Variants in TRIM38 observed in about 807,000 individuals in gnomAD.
TRIM38 encodes the protein tripartite motif containing 38.
Under a neutral mutation model 35.8 loss-of-function variants are expected in TRIM38, and 35 were observed. The ratio of observed to expected loss-of-function variants is 0.98; its 90% CI spans 0.75 to 1.30. TRIM38 has a LOEUF of 1.30. Among genes scored for constraint, TRIM38 ranks in the 50% most tolerant of loss-of-function variants. TRIM38 has a pLI of 0.00. For synonymous variants in TRIM38, 198 were observed against 204.7 expected (o/e 0.97, Z 0.28); for missense variants, 545 against 556.9 (o/e 0.98, Z 0.21).
At position 25,989,490 on chromosome 6, in the gene TRIM38, T is replaced by G. The variant is rs139335947; in HGVS notation, c.*5803T>G. The G allele has an allele frequency of 1.8e-4, 27 of 151,618 alleles. No homozygotes were observed. Among genetic ancestry groups the G allele is most frequent in the African/African-American group, 6.0e-4 (25 of 41,442 alleles). 9.4% of individuals were successfully genotyped at this position (151,618 alleles called of 1,614,324 possible). On this transcript the variant is annotated 3_prime_UTR_variant, in exon 8 of 8. Transcript: ENST00000357085. Reference sequence around the variant, plus strand: ...TTTTGAATTAATTGATCTTTGCTATTGTTAGCAAGGTCTTGTATTCTTTTT... The same window carrying G: ...TTTTGAATTAATTGATCTTTGCTATGGTTAGCAAGGTCTTGTATTCTTTTT...
chr6:25,983,347 T>C lies in TRIM38; in HGVS notation c.1058T>C (p.Val353Ala). The C allele has an allele frequency of 6.2e-7, 1 of 1,614,138 alleles. No homozygotes were observed. The highest frequency in any genetic ancestry group is 1.6e-4 in the Middle Eastern group (1 of 6,062). Reference protein sequence around the residue: ...TSGRRYFEVDVGEGTGWDLGV... With the variant: ...TSGRRYFEVDAGEGTGWDLGV... Reference sequence around the variant, plus strand: ...GGAAGACGTTACTTTGAAGTGGATGTTGGCGAAGGAACCGGATGGGATTTA... The same window carrying C: ...GGAAGACGTTACTTTGAAGTGGATGCTGGCGAAGGAACCGGATGGGATTTA... The change falls in exon 8 of 8, where the codon GTT (valine) becomes GCT (alanine). Residue 353 changes from valine (V) to alanine (A), a missense_variant. Val to Ala is a moderately conservative substitution (Grantham distance 64). Coordinates refer to ENST00000357085, the MANE Select transcript of TRIM38 (RefSeq NM_006355.5).
chr6:25,983,743 C>A lies in TRIM38; in HGVS notation c.*56C>A. 1 of 1,462,532 alleles carries A rather than the reference C, an allele frequency of 6.8e-7. No individual in the cohort carries two copies. The highest frequency in any genetic ancestry group is 1.4e-5 in the South Asian group (1 of 72,974). The allele number at this position is 1,462,532 out of a possible 1,614,324, so 90.6% of individuals were successfully genotyped here. A position where few individuals can be genotyped will look rare whatever the true frequency, so the allele number is the denominator to read the frequency against. Reference sequence around the variant, plus strand: ...AGCACAGAGAAAATAATATAAATCCCATAAGGGCAGACGTTTGGTCTGTTT... The same window carrying A: ...AGCACAGAGAAAATAATATAAATCCAATAAGGGCAGACGTTTGGTCTGTTT... On this transcript the variant is annotated 3_prime_UTR_variant, in exon 8 of 8. Transcript: ENST00000357085.
At chr6:25,974,960 A>G (rs1352503175) in intron 7 of TRIM38, 5 of 985,046 alleles carry the variant, frequency 5.1e-6, no homozygotes, top group Non-Finnish European at 1.2e-6. Flanking sequence ...CACTGAGTCA[A>G]TTTGCCTACT....
chr6:25,963,499 T>C (rs946347724), intron 2 of TRIM38, among the ~76,000 whole-genome samples: 2 of 152,094 alleles, frequency 1.3e-5, no homozygotes, highest in African/African-American at 4.8e-5. Flanking sequence ...CTCCCCCATC[T>C]TCTTTCTGCC....
rs768283590 is a variant in TRIM38, at chr6:25,983,418, G to C, written c.1129G>C (p.Glu377Gln). 6.2e-7 allele frequency: 1 copy of C among 1,614,054 alleles called. No homozygotes were observed. Residue 377 changes from glutamate (E) to glutamine (Q), a missense_variant, in exon 8 of 8, where the codon GAG becomes CAG. By Grantham distance (29) the Glu-to-Gln change is conservative. Transcript: ENST00000357085. ...GCAGAGGGGCACTGGCATGAAGCAA[G>C]AGCCTCAGTCTGGATTCTGGACCCT... is the stretch of plus-strand genomic sequence containing the variant. ...NVQRGTGMKQ[E>Q]PQSGFWTLRL...
chr6:25,965,936 A>G (rs1760023299), intron 2 of TRIM38, among the ~76,000 whole-genome samples: 1 of 152,034 alleles, frequency 6.6e-6, no homozygotes. Context: ...AAAAAAAAAA[A>G]AAGTTAGAAG....
At position 25,966,854 on chromosome 6, in the gene TRIM38, T is replaced by C; in HGVS notation, c.332T>C (p.Ile111Thr). 1 of 1,614,190 alleles carries C rather than the reference T, an allele frequency of 6.2e-7. No homozygotes were observed. The highest frequency in any genetic ancestry group is 8.5e-7 in the Non-Finnish European group (1 of 1,180,028). The change falls in exon 3 of 8, where the codon ATC becomes ACC. Residue 111 changes from isoleucine (I) to threonine (T), a missense_variant. By Grantham distance (89) the Ile-to-Thr change is moderately conservative. Transcript: ENST00000357085. ...TTCTGCGAAGACGAGGGGCAGCTCA[T>C]CTGCTGGCGCTGTGAGCGGGCACCA... ...HLFCEDEGQL[I>T]CWRCERAPQH...
In TRIM38 at chr6:25,978,034, T is replaced by C. The variant is rs765912458; in HGVS notation, c.874+4749T>C. On this transcript the variant is annotated intron_variant, in intron 7 of 7. Coordinates refer to ENST00000357085, the MANE Select transcript of TRIM38 (RefSeq NM_006355.5). ...CACCAGTGTCTTCATAATATATATATACACACACACATATATATATAGTAT... is the reference window on the plus strand; with the variant it reads ...CACCAGTGTCTTCATAATATATATACACACACACACATATATATATAGTAT... Among the ~76,000 whole-genome samples the C allele has an allele frequency of 1.8e-4, 27 of 152,140 alleles. No individual in the cohort carries two copies. The East Asian group carries it at 2.1e-3, about 12-fold the overall frequency.
intron 2 of TRIM38, among the ~76,000 whole-genome samples, chr6:25,964,907 G>A (rs1759972898): frequency 6.6e-6 from 1 of 151,664 alleles, no homozygotes; most frequent in Non-Finnish European, 1.5e-5. Flanking sequence ...CCCCTCCGGA[G>A]CTCAAGTCAT....
Position 25,971,877 on chromosome 6 carries a change from A to G in TRIM38, c.516A>G (p.Val172=). Residue 172 remains valine (V), a synonymous_variant, in exon 5 of 8, where the codon GTA becomes GTG. Coordinates refer to ENST00000357085, the MANE Select transcript of TRIM38 (RefSeq NM_006355.5). ...AMRITKWKEK[V]QIQRQKIRSD... is the part of the protein sequence containing the mutation. ...TACTTTCTTGACTCCAGGAGAAGGT[A>G]CAGATTCAGAGACAAAAAATCCGGT... is the stretch of plus-strand genomic sequence containing the variant. 6.2e-7 allele frequency: 1 copy of G among 1,614,070 alleles called. No individual in the cohort carries two copies. The highest frequency in any genetic ancestry group is 1.3e-5 in the African/African-American group (1 of 75,054).
rs1259308684 is a variant in TRIM38, at chr6:25,988,492, C to CTTTTTTTTTTTTTTTTTTTTTT, written c.*4808_*4809insTTTTTTTTTTTTTTTTTTTTTT. ...TCTTTTTCTTTTTCTTTTTTCTTTT[C>CTTTTTTTTTTTTTTTTTTTTTT]TTTCTTTTTTTTTTTTTTTTTGAGA... On this transcript the variant is annotated 3_prime_UTR_variant, in exon 8 of 8. Coordinates refer to ENST00000357085, the MANE Select transcript of TRIM38 (RefSeq NM_006355.5). The CTTTTTTTTTTTTTTTTTTTTTT allele has an allele frequency of 1.3e-4, 4 of 30,142 alleles. No homozygotes were observed. Among genetic ancestry groups the CTTTTTTTTTTTTTTTTTTTTTT allele is most frequent in the African/African-American group, 2.0e-4 (1 of 5,122 alleles). The allele number at this position is 30,142 out of a possible 1,614,324, so 1.9% of individuals were successfully genotyped here. A position where few individuals can be genotyped will look rare whatever the true frequency, so the allele number is the denominator to read the frequency against.
rs61756356 is a variant in TRIM38 at position 25,966,804 on chromosome 6, G to T, written c.282G>T (p.Glu94Asp). ...AGACGGATCAAGAAATGTCATGTGA[G>T]GAACACGGAGAGCAGTTCCACCTGT... Reference protein sequence around the residue: ...LKETDQEMSCEEHGEQFHLFC... With the variant: ...LKETDQEMSCDEHGEQFHLFC... The change falls in exon 3 of 8, where the codon GAG (glutamate) becomes GAT (aspartate). Residue 94 changes from glutamate (E) to aspartate (D), a missense_variant. Coordinates refer to ENST00000357085, the MANE Select transcript of TRIM38 (RefSeq NM_006355.5). 211 of 1,614,226 alleles carry T rather than the reference G, an allele frequency of 1.3e-4. No homozygotes were observed. In the East Asian group the frequency reaches 4.4e-3, roughly 34 times the overall value.
rs751115548 is a variant in TRIM38, at chr6:25,972,072, T to A, written c.711T>A (p.Cys237Ter). 1.2e-6 allele frequency: 2 copies of A among 1,614,164 alleles called. No homozygotes were observed. The highest frequency in any genetic ancestry group is 1.7e-6 in the Non-Finnish European group (2 of 1,180,004). ...KSHILELEEK[C>*]QGSAQKLLQN... Reference sequence around the variant, plus strand: ...ACATCCTGGAACTGGAGGAAAAATGTCAGGGCTCAGCCCAGAAATTGCTGC... The same window carrying A: ...ACATCCTGGAACTGGAGGAAAAATGACAGGGCTCAGCCCAGAAATTGCTGC... Residue 237 changes from cysteine (C) to a stop codon, truncating the protein, a stop_gained, in exon 5 of 8, where the codon TGT becomes TGA. Transcript: ENST00000357085. LOFTEE classifies it high-confidence loss of function.
rs903783212 is a variant in TRIM38 at position 25,974,826 on chromosome 6, A to G, written c.874+1541A>G. ...CCAGGGATTTCAGAAAAGGAATTAT[A>G]GACCTGTGTTCCCCTCAAATACACA... is the stretch of plus-strand genomic sequence containing the variant. On this transcript the variant is annotated intron_variant, in intron 7 of 7. Transcript: ENST00000357085. 15 of 914,648 alleles carry G rather than the reference A, an allele frequency of 1.6e-5. No homozygotes were observed. In the African/African-American group the frequency reaches 2.1e-4, roughly 13 times the overall value. 56.7% of individuals were successfully genotyped at this position (914,648 alleles called of 1,614,324 possible). A position where few individuals can be genotyped will look rare whatever the true frequency, so the allele number is the denominator to read the frequency against.
intron 7 of TRIM38, among the ~76,000 whole-genome samples, chr6:25,977,869 C>T (rs1295987095): frequency 6.6e-6 from 1 of 152,072 alleles, no homozygotes; most frequent in Non-Finnish European, 1.5e-5. Context: ...ATGGCAAGTT[C>T]ATATATTTTG....
chr6:25,971,115 G>A (rs540123268), intron 4 of TRIM38, among the ~76,000 whole-genome samples: 4 of 152,198 alleles, frequency 2.6e-5, no homozygotes, highest in East Asian at 1.9e-4. Context: ...CAAGAAAATC[G>A]CTCCAACTCA....
Position 25,987,864 on chromosome 6 carries a change from C to A in TRIM38, c.*4177C>A, listed in dbSNP as rs1299435989. On this transcript the variant is annotated 3_prime_UTR_variant, in exon 8 of 8. Transcript: ENST00000357085. ...TTCAACACTTCCTGTCACCCAATTT[C>A]TATCAACTAATCTTTTGACTGTGTC... 6.6e-6 allele frequency: 1 copy of A among 152,224 alleles called. No homozygotes were observed. Among genetic ancestry groups the A allele is most frequent in the Non-Finnish European group, 1.5e-5 (1 of 68,050 alleles). 9.4% of individuals were successfully genotyped at this position (152,224 alleles called of 1,614,324 possible).
chr6:25,976,346 C>T (rs949689559), intron 7 of TRIM38, among the ~76,000 whole-genome samples: 13 of 152,220 alleles, frequency 8.5e-5, no homozygotes, highest in African/African-American at 3.1e-4. Flanking sequence ...TGGCTCCCTG[C>T]AGCCTTAAAT....
chr6:25,977,310 C>T (rs957571647), intron 7 of TRIM38, among the ~76,000 whole-genome samples: 8 of 152,026 alleles, frequency 5.3e-5, no homozygotes, highest in Admixed American at 2.0e-4. Flanking sequence ...CCCAGGAGTT[C>T]GAGGCTGCAG....
Sources: allele counts gnomAD v4.1 joint callset (sites outside exome capture counted in the v4.1 genomes callset), GRCh38; gene constraint gnomAD v4.1.1; transcripts MANE v1.5; gene names NCBI Gene and HGNC (gene_info 2026-07-23, HGNC 2026-07-21).